PRTFDC1: variants seen among roughly 807,000 people sequenced by gnomAD.
PRTFDC1 encodes phosphoribosyl transferase domain containing 1, also known as phosphoribosyltransferase domain-containing protein 1.
In PRTFDC1, 38 loss-of-function variants were observed where a neutral mutation model predicts 34.6. That is an observed-to-expected ratio of 1.10 (90% CI 0.85 to 1.44). The LOEUF (loss-of-function observed/expected upper bound fraction) is 1.44. Among genes scored for constraint, PRTFDC1 ranks in the 40% most tolerant of loss-of-function variants. The pLI, the probability that PRTFDC1 is intolerant of heterozygous loss-of-function variation, is 0.00. For synonymous variants in PRTFDC1, 93 were observed against 98.1 expected (o/e 0.95, Z 0.31); for missense variants, 270 against 283.0 (o/e 0.95, Z 0.33).
chr10:24,943,974 T>C (rs1849212237), intron 1 of PRTFDC1, among the ~76,000 whole-genome samples: 1 of 152,186 alleles, frequency 6.6e-6, no homozygotes, highest in South Asian at 2.1e-4. Flanking sequence ...ACACCTTTGC[T>C]TCCTGCCTTC....
chr10:24,873,345 G>C (rs1847909156), intron 3 of PRTFDC1, among the ~76,000 whole-genome samples: 1 of 152,128 alleles, frequency 6.6e-6, no homozygotes, highest in Admixed American at 6.5e-5. Flanking sequence ...CCTCATTACA[G>C]ACCCACATTA....
chr10:24,949,159 G>A (rs571971013), intron 1 of PRTFDC1, among the ~76,000 whole-genome samples: 1 of 152,230 alleles, frequency 6.6e-6, no homozygotes, highest in East Asian at 1.9e-4. Context: ...GCACGATCAT[G>A]GCTCACTGCA....
intron 3 of PRTFDC1, among the ~76,000 whole-genome samples, chr10:24,906,565 G>A (rs915938362): frequency 3.6e-4 from 55 of 152,266 alleles, no homozygotes; most frequent in African/African-American, 1.2e-3. Flanking sequence ...TTACCATGTG[G>A]AACAAAGAGC....
chr10:24,931,322 A>C (rs188061799), intron 3 of PRTFDC1, among the ~76,000 whole-genome samples: 71 of 152,210 alleles, frequency 4.7e-4, no homozygotes, highest in South Asian at 1.7e-3. Context: ...TCATTTTATG[A>C]AACTAGGAAA....
chr10:24,932,916 G>C (rs1053305763), intron 3 of PRTFDC1, among the ~76,000 whole-genome samples: 4 of 152,080 alleles, frequency 2.6e-5, no homozygotes, highest in Admixed American at 6.5e-5. Flanking sequence ...TGACAATGTA[G>C]ATGAACAGAT....
intron 4 of PRTFDC1, among the ~76,000 whole-genome samples, chr10:24,865,154 C>T (rs986679921): frequency 1.3e-5 from 2 of 151,984 alleles, no homozygotes; most frequent in African/African-American, 2.4e-5. Context: ...AAATACATAA[C>T]ATGGAGACTG....
At chr10:24,923,139 G>T (rs142982784) in intron 3 of PRTFDC1, among the ~76,000 whole-genome samples, 1,605 of 152,330 alleles carry the variant, frequency 0.011, 23 homozygotes, top group Middle Eastern at 0.034. Flanking sequence ...AAACAAAGTG[G>T]CTGGGAAGCT....
intron 3 of PRTFDC1, among the ~76,000 whole-genome samples, chr10:24,919,243 C>T (rs7477640): frequency 1.3e-5 from 2 of 151,964 alleles, no homozygotes; most frequent in African/African-American, 2.4e-5. Flanking sequence ...TACTATAAGG[C>T]TATAGTAACC....
intron 3 of PRTFDC1, among the ~76,000 whole-genome samples, chr10:24,875,379 C>T (rs1847945237): frequency 6.6e-6 from 1 of 152,134 alleles, no homozygotes; most frequent in Non-Finnish European, 1.5e-5. Context: ...TAACTTTGCA[C>T]CCACTGACCA....
rs542534802 is a variant in PRTFDC1 at position 24,875,755 on chromosome 10, CT to C, written c.340-3693del. 4.4e-3 allele frequency among the ~76,000 whole-genome samples: 670 copies of C among 151,228 alleles called. 5 individuals carry two copies. The highest frequency in any genetic ancestry group is 0.016 in the African/African-American group (646 of 41,226). ...TCTATATTTTTCTAATCTAACATGTCTACTTCAACATTAATTAATCTAACAT... is the reference window on the plus strand; with the variant it reads ...TCTATATTTTTCTAATCTAACATGTCACTTCAACATTAATTAATCTAACAT... On this transcript the variant is annotated intron_variant, in intron 3 of 8. Transcript: ENST00000320152.
At chr10:24,904,481 G>A (rs1194344495) in intron 3 of PRTFDC1, among the ~76,000 whole-genome samples, 1 of 152,118 alleles carries the variant, frequency 6.6e-6, no homozygotes, top group African/African-American at 2.4e-5. Flanking sequence ...GCAAGTCTTC[G>A]AGTAGGTGTG....
chr10:24,866,913 CA>C (rs1050614388), intron 4 of PRTFDC1, among the ~76,000 whole-genome samples: 61 of 123,784 alleles, frequency 4.9e-4, no homozygotes, highest in African/African-American at 1.5e-3. Flanking sequence ...AGAAAGAGAA[CA>C]AAAAAAGCAA....
intron 8 of PRTFDC1, among the ~76,000 whole-genome samples, chr10:24,850,770 T>TGGA (rs1259821605): frequency 6.6e-6 from 1 of 152,136 alleles, no homozygotes; most frequent in African/African-American, 2.4e-5. Flanking sequence ...CATGGTGCTA[T>TGGA]GGATACTCTC....
At chr10:24,894,058 C>G (rs187223096) in intron 3 of PRTFDC1, among the ~76,000 whole-genome samples, 56 of 152,260 alleles carry the variant, frequency 3.7e-4, no homozygotes, top group African/African-American at 1.3e-3. Context: ...ATTGGCCGGG[C>G]GCGGTGGCTC....
chr10:24,921,395 GC>G (rs568165786), intron 3 of PRTFDC1, among the ~76,000 whole-genome samples: 113 of 152,212 alleles, frequency 7.4e-4, no homozygotes, highest in Admixed American at 1.5e-3. Flanking sequence ...GGGCACCAAA[GC>G]CCCCATCCCG....
chr10:24,913,781 T>C (rs763110980), intron 3 of PRTFDC1, among the ~76,000 whole-genome samples: 35 of 152,298 alleles, frequency 2.3e-4, no homozygotes, highest in Non-Finnish European at 4.7e-4. Flanking sequence ...AGAACTTATA[T>C]AAGTAAAGGT....
In PRTFDC1 at chr10:24,877,637, T is replaced by C. The variant is rs149247211; in HGVS notation, c.340-5574A>G. Among the ~76,000 whole-genome samples, 675 of 152,316 alleles carry C rather than the reference T, an allele frequency of 4.4e-3. 1 individual carries two copies. Among genetic ancestry groups the C allele is most frequent in the Middle Eastern group, 0.017 (5 of 294 alleles). ...GAAATAGTTTCATTTTATTTTATTT[T>C]TGAGACAGAGTCTTGCTCTGTTGCA... is the stretch of plus-strand genomic sequence containing the variant. On this transcript the variant is annotated intron_variant, in intron 3 of 8. Transcript: ENST00000320152.
chr10:24,860,032 G>T (rs577127686), intron 4 of PRTFDC1, among the ~76,000 whole-genome samples: 12 of 152,128 alleles, frequency 7.9e-5, no homozygotes, highest in Non-Finnish European at 1.3e-4. Flanking sequence ...CAACGTAATG[G>T]TGTTTCTCTT....
intron 3 of PRTFDC1, among the ~76,000 whole-genome samples, chr10:24,895,688 G>GATGTATAT (rs1848344723): frequency 2.1e-5 from 1 of 47,382 alleles, no homozygotes; most frequent in Non-Finnish European, 4.2e-5. Flanking sequence ...AGCTGGGGTG[G>GATGTATAT]ATATATATAT....
Sources: allele counts gnomAD v4.1 joint callset (sites outside exome capture counted in the v4.1 genomes callset), GRCh38; gene constraint gnomAD v4.1.1; transcripts MANE v1.5; gene names NCBI Gene and HGNC (gene_info 2026-07-23, HGNC 2026-07-21).